Variants in TMEM132C observed in about 807,000 individuals in gnomAD.
TMEM132C encodes protein phosphatase 1, regulatory subunit 152.
A neutral mutation model predicts 61.4 loss-of-function variants in TMEM132C; 29 were observed. The ratio of observed to expected loss-of-function variants is 0.47; its 90% CI spans 0.35 to 0.64. TMEM132C has a LOEUF of 0.64. Among genes scored for constraint, TMEM132C ranks in the 30% least tolerant of loss-of-function variants. The pLI is 0.00. For missense variants in TMEM132C, 1,408 were observed against 1,476.9 expected, an observed-to-expected ratio of 0.95 and a Z score of 0.76; for synonymous variants, 656 against 633.1, an observed-to-expected ratio of 1.04 and a Z score of -0.54.
At chr12:128,456,627 CAAA>C (rs1870354277) in intron 2 of TMEM132C, among the ~76,000 whole-genome samples, 2 of 151,752 alleles carry the variant, frequency 1.3e-5, no homozygotes, top group African/African-American at 4.8e-5. Context: ...AGGCCAGTTG[CAAA>C]CTCTTGTGCT....
At chr12:128,673,333 C>G (rs1472953678) in intron 5 of TMEM132C, among the ~76,000 whole-genome samples, 1 of 152,212 alleles carries the variant, frequency 6.6e-6, no homozygotes, top group African/African-American at 2.4e-5. Context: ...AGTCCGCAAG[C>G]CAGGAGGGCT....
chr12:128,479,238 C>T (rs1871247361), intron 2 of TMEM132C, among the ~76,000 whole-genome samples: 1 of 152,086 alleles, frequency 6.6e-6, no homozygotes, highest in Non-Finnish European at 1.5e-5. Flanking sequence ...GGGAGAGGAT[C>T]AGGAAAAACA....
intron 1 of TMEM132C, 33 bp from the exon 2 acceptor site, chr12:128,414,699 G>C (rs772964728): frequency 3.4e-6 from 5 of 1,485,530 alleles, no homozygotes; most frequent in Non-Finnish European, 4.5e-6. Context: ...TCCTGTCTTT[G>C]TCTTTTTCTT....
chr12:128,664,241 C>G (rs1359853085), intron 4 of TMEM132C, among the ~76,000 whole-genome samples: 1 of 89,944 alleles, frequency 1.1e-5, no homozygotes, highest in African/African-American at 8.1e-5. Flanking sequence ...GAAGTCGTTC[C>G]AGAAGTAATT....
intron 3 of TMEM132C, among the ~76,000 whole-genome samples, chr12:128,580,263 T>A (rs1006735261): frequency 2.1e-4 from 32 of 150,264 alleles, no homozygotes; most frequent in Non-Finnish European, 4.1e-4. Context: ...AAAAAAAAAA[T>A]ACAAAAAATT....
rs535865627 is a variant in TMEM132C, at chr12:128,345,837, GTC to G, written c.86-68893_86-68892del. Among the ~76,000 whole-genome samples, 211 of 151,966 alleles carry G rather than the reference GTC, an allele frequency of 1.4e-3. 1 individual carries two copies. Among genetic ancestry groups the G allele is most frequent in the Non-Finnish European group, 2.3e-3 (154 of 67,990 alleles). ...AATATTTTCTCCTATTCTGTATGTTGTCTGTTTATTCTGTTGATAGTTTCTTT... is the reference window on the plus strand; with the variant it reads ...AATATTTTCTCCTATTCTGTATGTTGTGTTTATTCTGTTGATAGTTTCTTT... On this transcript the variant is annotated intron_variant, in intron 1 of 8. Coordinates refer to ENST00000435159, the MANE Select transcript of TMEM132C (RefSeq NM_001136103.3).
At chr12:128,273,499 C>G (rs1476041777) in intron 1 of TMEM132C, among the ~76,000 whole-genome samples, 1 of 152,026 alleles carries the variant, frequency 6.6e-6, no homozygotes. Context: ...ATCTGATAAT[C>G]TCTGTCTTTT....
chr12:128,456,929 T>A lies in TMEM132C; in HGVS notation c.974+41309T>A, dbSNP rs564997279. On this transcript the variant is annotated intron_variant, in intron 2 of 8. Coordinates refer to ENST00000435159, the MANE Select transcript of TMEM132C (RefSeq NM_001136103.3). ...TTCTTACATAATACACTATTTTCGC[T>A]GGCTTCCTTAGCTCCGCGTGTTTTG... Among the ~76,000 whole-genome samples the A allele has an allele frequency of 7.2e-5, 11 of 152,320 alleles. No individual in the cohort carries two copies. The East Asian group carries it at 1.9e-3, about 27-fold the overall frequency.
At chr12:128,587,049 A>T (rs1875573509) in intron 3 of TMEM132C, among the ~76,000 whole-genome samples, 1 of 152,240 alleles carries the variant, frequency 6.6e-6, no homozygotes, top group Non-Finnish European at 1.5e-5. Flanking sequence ...TGGAAAGGGA[A>T]TTGCCCAGTG....
chr12:128,557,010 G>T (rs1361923482), intron 3 of TMEM132C, among the ~76,000 whole-genome samples: 2 of 152,162 alleles, frequency 1.3e-5, no homozygotes, highest in East Asian at 1.9e-4. Context: ...AAAAACAGGG[G>T]AACTCCTCTG....
intron 2 of TMEM132C, among the ~76,000 whole-genome samples, chr12:128,483,153 A>G (rs1225106184): frequency 6.7e-6 from 1 of 150,046 alleles, no homozygotes; most frequent in Non-Finnish European, 1.5e-5. Context: ...CTGTAGTCCC[A>G]GCTGCTTGGG....
intron 1 of TMEM132C, among the ~76,000 whole-genome samples, chr12:128,287,700 G>A (rs565807197): frequency 2.6e-5 from 4 of 152,200 alleles, no homozygotes; most frequent in African/African-American, 7.2e-5. Flanking sequence ...TCCTTTATTC[G>A]AATGTTTCCA....
intron 1 of TMEM132C, among the ~76,000 whole-genome samples, chr12:128,413,877 T>C (rs1274924599): frequency 1.3e-5 from 2 of 152,208 alleles, no homozygotes; most frequent in Non-Finnish European, 2.9e-5. Flanking sequence ...TTTATTATTT[T>C]TTAAATTGCA....
Position 128,570,222 on chromosome 12 carries a change from C to G in TMEM132C, c.1121+26119C>G, listed in dbSNP as rs561210883. Among the ~76,000 whole-genome samples, 2 of 152,258 alleles carry G rather than the reference C, an allele frequency of 1.3e-5. No homozygotes were observed. Among genetic ancestry groups the G allele is most frequent in the Admixed American group, 6.5e-5 (1 of 15,302 alleles). ...TACACCTCCCCACCCCCGCACCCCC[C>G]ACACACTCACACTGTGGTCACATTG... On this transcript the variant is annotated intron_variant, in intron 3 of 8. Coordinates refer to ENST00000435159, the MANE Select transcript of TMEM132C (RefSeq NM_001136103.3). The surrounding 1 kb of genome is among the most constrained non-coding windows in gnomAD (Gnocchi z 4.7).
chr12:128,695,378 G>A (rs1954751951), intron 6 of TMEM132C, among the ~76,000 whole-genome samples: 1 of 151,314 alleles, frequency 6.6e-6, no homozygotes, highest in African/African-American at 2.4e-5. Context: ...TTTTTACTTA[G>A]CCAAGCATGA....
chr12:128,311,099 G>T (rs11059642), intron 1 of TMEM132C, among the ~76,000 whole-genome samples: 1 of 152,006 alleles, frequency 6.6e-6, no homozygotes, highest in Non-Finnish European at 1.5e-5. Context: ...TTATTCTTAC[G>T]AATACTAGTT....
intron 1 of TMEM132C, among the ~76,000 whole-genome samples, chr12:128,304,638 A>C (rs571910007): frequency 0.015 from 2,055 of 134,640 alleles, 50 homozygotes; most frequent in African/African-American, 0.061. Context: ...AGAAAGAAAG[A>C]AAAAAAAGAA....
chr12:128,379,433 T>G (rs1874331644), intron 1 of TMEM132C, among the ~76,000 whole-genome samples: 1 of 152,208 alleles, frequency 6.6e-6, no homozygotes, highest in Non-Finnish European at 1.5e-5. Flanking sequence ...CTATAACAAA[T>G]GGCAACAAAC....
Position 128,669,503 on chromosome 12 carries a change from CGT to C in TMEM132C, c.1394_1395del (p.Val465AspfsTer21). On this transcript the variant is annotated frameshift_variant, in exon 5 of 9. Coordinates refer to ENST00000435159, the MANE Select transcript of TMEM132C (RefSeq NM_001136103.3). LOFTEE classifies it high-confidence loss of function. Reference sequence around the variant, plus strand: ...TGGTCTCTGTGGAGGAGAACAGTGCCGTGATGGACATCTCAGAGTCGGTGGAG... The same window carrying C: ...TGGTCTCTGTGGAGGAGAACAGTGCCGATGGACATCTCAGAGTCGGTGGAG... ...KVVSVEENSA[V>X]MDISESVECK... 6.4e-7 allele frequency: 1 copy of C among 1,551,626 alleles called. No homozygotes were observed. The highest frequency in any genetic ancestry group is 8.7e-7 in the Non-Finnish European group (1 of 1,146,982).
Sources: allele counts gnomAD v4.1 joint callset (sites outside exome capture counted in the v4.1 genomes callset), GRCh38; gene constraint gnomAD v4.1.1; non-coding constraint Gnocchi (gnomAD v3.1); transcripts MANE v1.5; gene names NCBI Gene and HGNC (gene_info 2026-07-23, HGNC 2026-07-21).